RAD51AP2: variants seen among roughly 807,000 people sequenced by gnomAD.
The protein encoded by RAD51AP2 is RAD51 associated protein 2, also known as RAD51-associated protein 2.
In RAD51AP2, 67 loss-of-function variants were observed where a neutral mutation model predicts 85.5. That is an observed-to-expected ratio of 0.78 (90% CI 0.64 to 0.96). The LOEUF is 0.96. Ranked by LOEUF, RAD51AP2 falls within the 40% of genes least tolerant of loss-of-function variation. The pLI is 0.00. For synonymous variants in RAD51AP2, 474 were observed against 446.5 expected, an observed-to-expected ratio of 1.06 and a Z score of -0.78; for missense variants, 1,307 against 1,332.4, an observed-to-expected ratio of 0.98 and a Z score of 0.30.
upstream of RAD51AP2, among the ~76,000 whole-genome samples, chr2:17,519,111 AGTTTAC>A (rs1662798547): frequency 1.3e-5 from 2 of 152,144 alleles, no homozygotes; most frequent in Non-Finnish European, 2.9e-5. Flanking sequence ...AAAAAAAAAT[AGTTTAC>A]TATGTGCTGT....
the RAD51AP2 span, among the ~76,000 whole-genome samples, chr2:17,527,195 C>T: frequency 1.3e-5 from 2 of 151,832 alleles, no homozygotes; most frequent in Non-Finnish European, 2.9e-5. Context: ...TTATGTTGTA[C>T]ATTTATGAAT....
At chr2:17,527,922 G>C in the RAD51AP2 span, among the ~76,000 whole-genome samples, 1 of 152,012 alleles carries the variant, frequency 6.6e-6, no homozygotes, top group African/African-American at 2.4e-5. Flanking sequence ...GGTTATGAAG[G>C]GCAGAAACAT....
chr2:17,520,852 C>T (rs1662842223), upstream of RAD51AP2, among the ~76,000 whole-genome samples: 1 of 151,766 alleles, frequency 6.6e-6, no homozygotes, highest in African/African-American at 2.4e-5. Flanking sequence ...TTCATTTCTC[C>T]TCCTGGCAAA....
the RAD51AP2 span, among the ~76,000 whole-genome samples, chr2:17,536,145 T>C: frequency 6.6e-6 from 1 of 152,100 alleles, no homozygotes; most frequent in Non-Finnish European, 1.5e-5. Flanking sequence ...AATTAAAAAC[T>C]CTAGATTAAA....
intron 2 of RAD51AP2, 66 bp from the exon 3 acceptor site, chr2:17,511,021 T>C (rs547629127): frequency 3.6e-6 from 4 of 1,104,400 alleles, no homozygotes; most frequent in Admixed American, 2.9e-5. Flanking sequence ...TCTTTACTTC[T>C]AATCATGATA....
Position 17,513,341 on chromosome 2 carries a change from C to A in RAD51AP2, c.3328+671G>T, listed in dbSNP as rs574171480. On this transcript the variant is annotated intron_variant, in intron 2 of 2. Coordinates refer to ENST00000399080, the MANE Select transcript of RAD51AP2 (RefSeq NM_001099218.3). ...CAAGCCCCGCCTCCCGGGTTCACTC[C>A]ATTCTCCTGCCTCAGCCTCCCATGT... Among the ~76,000 whole-genome samples, 3 of 151,354 alleles carry A rather than the reference C, an allele frequency of 2.0e-5. No homozygotes were observed. In the South Asian group the frequency reaches 6.3e-4, roughly 32 times the overall value.
At chr2:17,513,053 T>G (rs971093169) in intron 2 of RAD51AP2, among the ~76,000 whole-genome samples, 2 of 152,170 alleles carry the variant, frequency 1.3e-5, no homozygotes, top group African/African-American at 4.8e-5. Flanking sequence ...CCTTGTTGTA[T>G]AATACCAGAA....
At chr2:17,523,698 A>G in the RAD51AP2 span, among the ~76,000 whole-genome samples, 7 of 152,024 alleles carry the variant, frequency 4.6e-5, no homozygotes, top group Middle Eastern at 3.4e-3. Context: ...ATAGTTCTTT[A>G]TGAGTGGAAA....
In RAD51AP2 at chr2:17,517,991, G is replaced by A; in HGVS notation, c.425C>T (p.Ala142Val). ...RSEAGLHDREAFSVHRSNSSK... is the reference protein window; with the variant it reads ...RSEAGLHDREVFSVHRSNSSK... ...GCTATTACTGCGGTGCACACTGAAA[G>A]CCTCTCTGTCATGCAGGCCTGCCTC... The change falls in exon 1 of 3, where the codon GCT becomes GTT. Residue 142 changes from alanine to valine, a missense_variant. Physicochemically the swap from Ala to Val is moderately conservative, Grantham distance 64. Transcript: ENST00000399080. 1 of 1,614,196 alleles carries A rather than the reference G, an allele frequency of 6.2e-7. No individual in the cohort carries two copies. The highest frequency in any genetic ancestry group is 1.1e-5 in the South Asian group (1 of 91,084).
chr2:17,526,164 AT>A, the RAD51AP2 span, among the ~76,000 whole-genome samples: 1 of 151,798 alleles, frequency 6.6e-6, no homozygotes, highest in Admixed American at 6.6e-5. Context: ...CAGGTGTTGT[AT>A]TTTTTTTAAA....
chr2:17,528,954 A>T, the RAD51AP2 span, among the ~76,000 whole-genome samples: 1 of 152,214 alleles, frequency 6.6e-6, no homozygotes, highest in Admixed American at 6.5e-5. Flanking sequence ...TCAAATGATT[A>T]TACTAGTTGC....
At chr2:17,519,485 A>C (rs1433103002), upstream of RAD51AP2, among the ~76,000 whole-genome samples, 2 of 152,162 alleles carry the variant, frequency 1.3e-5, no homozygotes, top group East Asian at 3.8e-4. Context: ...TTATGCTAAA[A>C]TTTATAATAA....
upstream of RAD51AP2, among the ~76,000 whole-genome samples, chr2:17,519,085 TCTTCA>T (rs984226132): frequency 2.2e-4 from 33 of 152,314 alleles, no homozygotes; most frequent in African/African-American, 7.5e-4. Context: ...TAATTATTAT[TCTTCA>T]CTTAAGACTA....
chr2:17,522,202 T>C (rs1012879437), upstream of RAD51AP2, among the ~76,000 whole-genome samples: 2 of 152,044 alleles, frequency 1.3e-5, no homozygotes, highest in African/African-American at 2.4e-5. Context: ...AAGTTCCTCA[T>C]AGTTCAGTTC....
In RAD51AP2 at chr2:17,517,399, A is replaced by C; in HGVS notation, c.1017T>G (p.Thr339=). 6.2e-7 allele frequency: 1 copy of C among 1,613,770 alleles called. No individual in the cohort carries two copies. The highest frequency in any genetic ancestry group is 8.5e-7 in the Non-Finnish European group (1 of 1,179,918). ...NDYPSLSSQN[T]CKRKDLISSN... Reference sequence around the variant, plus strand: ...AACTGATCAAGTCTTTTCTCTTACAAGTATTTTGGCTACTGAGTGATGGGT... The same window carrying C: ...AACTGATCAAGTCTTTTCTCTTACACGTATTTTGGCTACTGAGTGATGGGT... Residue 339 remains threonine (T), a synonymous_variant, in exon 1 of 3, where the codon ACT becomes ACG. Transcript: ENST00000399080.
At chr2:17,523,369 C>T (rs149762866), upstream of RAD51AP2, among the ~76,000 whole-genome samples, 177 of 151,872 alleles carry the variant, frequency 1.2e-3, no homozygotes, top group African/African-American at 3.3e-3. Context: ...CTGTAAATGG[C>T]TCATAATGGA....
In RAD51AP2 at chr2:17,515,715, C is replaced by T. The variant is rs1366624607; in HGVS notation, c.2701G>A (p.Glu901Lys). The change falls in exon 1 of 3, where the codon GAA becomes AAA. Residue 901 changes from glutamate to lysine, a missense_variant. By Grantham distance (56) the Glu-to-Lys change is moderately conservative (BLOSUM62 1). Transcript: ENST00000399080. ...VNQNYVTNTNEYESILPEREI... is the reference protein window; with the variant it reads ...VNQNYVTNTNKYESILPEREI... ...CTTTCTGGCAAAATACTCTCATATT[C>T]ATTTGTATTTGTTACATAATTTTGA... 3 of 1,600,256 alleles carry T rather than the reference C, an allele frequency of 1.9e-6. No homozygotes were observed. Among genetic ancestry groups the T allele is most frequent in the Admixed American group, 1.7e-5 (1 of 57,954 alleles).
intron 2 of RAD51AP2, among the ~76,000 whole-genome samples, chr2:17,512,674 T>A (rs1337534231): frequency 1.3e-5 from 2 of 152,310 alleles, no homozygotes; most frequent in East Asian, 3.9e-4. Flanking sequence ...TATATCAAAA[T>A]ATATTGCTAA....
At chr2:17,536,523 G>T in the RAD51AP2 span, among the ~76,000 whole-genome samples, 1 of 152,216 alleles carries the variant, frequency 6.6e-6, no homozygotes, top group African/African-American at 2.4e-5. Flanking sequence ...TCTTGAGGCT[G>T]CACACTACCT....
Sources: allele counts gnomAD v4.1 joint callset (sites outside exome capture counted in the v4.1 genomes callset), GRCh38; gene constraint gnomAD v4.1.1; transcripts MANE v1.5; gene names NCBI Gene and HGNC (gene_info 2026-07-23, HGNC 2026-07-21).